The following RAI1 variants were observed in gnomAD, a reference collection of about 807,000 sequenced individuals.
RAI1 encodes the protein retinoic acid-induced protein 1.
RAI1 carries 9 observed loss-of-function variants against 123.8 expected under a neutral mutation model. The observed-to-expected ratio is 0.07, with a 90% confidence interval of 0.04 to 0.13. The LOEUF (loss-of-function observed/expected upper bound fraction) is 0.13. Among genes scored for constraint, RAI1 ranks in the 10% least tolerant of loss-of-function variants. RAI1 has a pLI of 1.00. For synonymous variants in RAI1, 1,231 were observed against 1,127.3 expected, an observed-to-expected ratio of 1.09 and a Z score of -1.84; for missense variants, 2,256 against 2,545.8, an observed-to-expected ratio of 0.89 and a Z score of 2.45.
At position 17,783,697 on chromosome 17, in the gene RAI1, C is replaced by T. The variant is rs558161654; in HGVS notation, c.-16-9236C>T. 9.2e-5 allele frequency among the ~76,000 whole-genome samples: 14 copies of T among 152,000 alleles called. No individual in the cohort carries two copies. The South Asian group carries it at 2.9e-3, about 32-fold the overall frequency. ...GCAGTCCAGCGCCTCGCGTGGGGCT[C>T]CTCGCCCCCGCCCCGGATCTGGTCC... On this transcript the variant is annotated intron_variant, in intron 2 of 5. Transcript: ENST00000353383.
intron 2 of RAI1, among the ~76,000 whole-genome samples, chr17:17,792,185 C>G (rs1235066912): frequency 6.6e-6 from 1 of 152,200 alleles, no homozygotes; most frequent in Non-Finnish European, 1.5e-5. Context: ...TGCCGTCTTG[C>G]GTTCCTGGGA....
At chr17:17,784,821 C>T (rs893497674) in intron 2 of RAI1, among the ~76,000 whole-genome samples, 1 of 152,148 alleles carries the variant, frequency 6.6e-6, no homozygotes, top group Non-Finnish European at 1.5e-5. Flanking sequence ...CTGCAGCAGC[C>T]GGGCCACTTG....
chr17:17,692,145 C>A (rs542778008), intron 1 of RAI1, among the ~76,000 whole-genome samples: 3 of 152,298 alleles, frequency 2.0e-5, no homozygotes, highest in African/African-American at 7.2e-5. Flanking sequence ...TCCCCTGGGG[C>A]CCCTGCCCTG....
intron 1 of RAI1, 84 bp downstream of exon 1, chr17:17,681,877 CG>C (rs1031002938): frequency 1.7e-4 from 37 of 218,846 alleles, no homozygotes; most frequent in Non-Finnish European, 5.4e-5. Context: ...GATCCTAGGC[CG>C]GGTGATGAGC....
intron 2 of RAI1, among the ~76,000 whole-genome samples, chr17:17,724,898 TCC>T (rs1916028119): frequency 6.6e-6 from 1 of 151,434 alleles, no homozygotes; most frequent in Non-Finnish European, 1.5e-5. Flanking sequence ...CCCTCCCCAC[TCC>T]CCGCACGAGA....
chr17:17,711,830 G>A (rs904947214), intron 1 of RAI1, among the ~76,000 whole-genome samples: 2 of 152,234 alleles, frequency 1.3e-5, no homozygotes, highest in African/African-American at 4.8e-5. Context: ...CTCCTCCTGC[G>A]CACCACATCT....
intron 2 of RAI1, among the ~76,000 whole-genome samples, chr17:17,741,666 C>T (rs1393618726): frequency 6.6e-6 from 1 of 152,230 alleles, no homozygotes; most frequent in Non-Finnish European, 1.5e-5. Context: ...CCTCCTGACA[C>T]CCTCAGCTTA....
At chr17:17,709,918 G>A (rs570486407) in intron 1 of RAI1, among the ~76,000 whole-genome samples, 2 of 152,300 alleles carry the variant, frequency 1.3e-5, no homozygotes, top group South Asian at 2.1e-4. Flanking sequence ...GCAGACAGGC[G>A]TGCGCACATT....
chr17:17,703,895 T>A (rs1354714944), intron 1 of RAI1, among the ~76,000 whole-genome samples: 1 of 152,226 alleles, frequency 6.6e-6, no homozygotes, highest in African/African-American at 2.4e-5. Flanking sequence ...AGGGCCCAAG[T>A]CCTTGTCTTC....
chr17:17,773,906 T>C (rs551189727), intron 2 of RAI1, among the ~76,000 whole-genome samples: 1 of 152,278 alleles, frequency 6.6e-6, no homozygotes, highest in African/African-American at 2.4e-5. Context: ...CACGTAATTA[T>C]AATGTCTATA....
intron 4 of RAI1, among the ~76,000 whole-genome samples, chr17:17,806,537 G>A (rs1436511109): frequency 8.5e-5 from 13 of 152,232 alleles, no homozygotes; most frequent in Non-Finnish European, 1.9e-4. Context: ...AGTATTAGCT[G>A]CTGCTGCAGA....
At chr17:17,687,331 C>G (rs1247891313) in intron 1 of RAI1, among the ~76,000 whole-genome samples, 1 of 152,126 alleles carries the variant, frequency 6.6e-6, no homozygotes, top group African/African-American at 2.4e-5. Context: ...CCTCTCTGGC[C>G]TCGGTCTCAT....
intron 1 of RAI1, among the ~76,000 whole-genome samples, chr17:17,693,603 C>T (rs563168495): frequency 2.0e-5 from 3 of 152,374 alleles, no homozygotes; most frequent in South Asian, 2.1e-4. Flanking sequence ...GCGGCGCTTG[C>T]TGCAATGGCC....
chr17:17,745,821 C>T lies in RAI1; in HGVS notation c.-17+21662C>T, dbSNP rs2029891460. On this transcript the variant is annotated intron_variant, in intron 2 of 5. Coordinates refer to ENST00000353383, the MANE Select transcript of RAI1 (RefSeq NM_030665.4). ...CCGGGGGGCTTGTGTGGAGTCCAGG[C>T]CAGGCAGGGACGGTGGCCAGCGGGT... Among the ~76,000 whole-genome samples the T allele has an allele frequency of 2.0e-5, 3 of 152,334 alleles. No individual in the cohort carries two copies. In the South Asian group the frequency reaches 6.2e-4, roughly 32 times the overall value.
At chr17:17,683,041 C>T (rs1914497342) in intron 1 of RAI1, among the ~76,000 whole-genome samples, 1 of 152,198 alleles carries the variant, frequency 6.6e-6, no homozygotes, top group South Asian at 2.1e-4. Context: ...CACTCGGGAT[C>T]TGCACGGTTC....
intron 1 of RAI1, among the ~76,000 whole-genome samples, chr17:17,712,184 CTGCAACTCTG>C (rs1219641301): frequency 4.6e-5 from 7 of 152,094 alleles, no homozygotes; most frequent in African/African-American, 1.7e-4. Context: ...AGTCACTGAG[CTGCAACTCTG>C]TGCTAGGTGC....
At position 17,798,143 on chromosome 17, in the gene RAI1, C is replaced by G; in HGVS notation, c.5195C>G (p.Ala1732Gly). The G allele has an allele frequency of 1.9e-6, 3 of 1,613,626 alleles. No homozygotes were observed. The highest frequency in any genetic ancestry group is 2.5e-6 in the Non-Finnish European group (3 of 1,180,044). The change falls in exon 3 of 6, where the codon GCC (alanine) becomes GGC (glycine). Residue 1732 changes from alanine to glycine, a missense_variant. Around this residue, in one of 7 missense-constraint regions of RAI1, gnomAD observed 243 missense variants for 316.6 expected, o/e 0.77. Coordinates refer to ENST00000353383, the MANE Select transcript of RAI1 (RefSeq NM_030665.4). ...CGGCCAGAAGGCACCTGTGAGGAGG[C>G]CTCGCTGCCGCTTGAGAGAACACTC... ...KVRPEGTCEEASLPLERTLKG... is the reference protein window; with the variant it reads ...KVRPEGTCEEGSLPLERTLKG...
At position 17,795,400 on chromosome 17, in the gene RAI1, G is replaced by A; in HGVS notation, c.2452G>A (p.Val818Met). ...GDFKQEEVGG[V>M]KEEAGGLLQC... ...CTTCAAGCAGGAGGAGGTGGGTGGGGTGAAGGAGGAGGCAGGTGGGCTGCT... is the reference window on the plus strand; with the variant it reads ...CTTCAAGCAGGAGGAGGTGGGTGGGATGAAGGAGGAGGCAGGTGGGCTGCT... Residue 818 changes from valine to methionine, a missense_variant, in exon 3 of 6, where the codon GTG becomes ATG. Transcript: ENST00000353383. The surrounding 1 kb of genome is among the most constrained non-coding windows in gnomAD (Gnocchi z 5.9). The A allele has an allele frequency of 1.3e-6, 2 of 1,592,222 alleles. No individual in the cohort carries two copies. Among genetic ancestry groups the A allele is most frequent in the Non-Finnish European group, 1.7e-6 (2 of 1,167,074 alleles).
Position 17,809,773 on chromosome 17 carries a change from C to CTGAAGGCGAAGG in RAI1, c.5710-190_5710-179dup, listed in dbSNP as rs145617111. On this transcript the variant is annotated intron_variant, in intron 5 of 5. Coordinates refer to ENST00000353383, the MANE Select transcript of RAI1 (RefSeq NM_030665.4). The surrounding 1 kb of genome is among the most constrained non-coding windows in gnomAD (Gnocchi z 4.9). ...GGGGGCGCGGGACGGTGGCACGGAG[C>CTGAAGGCGAAGG]TGAAGGCGAAGGTGAAGGTGAAGCT... Among the ~76,000 whole-genome samples, 1 of 152,102 alleles carries CTGAAGGCGAAGG rather than the reference C, an allele frequency of 6.6e-6. No individual in the cohort carries two copies. Among genetic ancestry groups the CTGAAGGCGAAGG allele is most frequent in the African/African-American group, 2.4e-5 (1 of 41,428 alleles).
Sources: gnomAD v4.1 joint callset for allele counts (sites outside exome capture counted in the v4.1 genomes callset) on GRCh38, gnomAD v4.1.1 for gene constraint, gnomAD v4.1.1 regional missense constraint, Gnocchi (gnomAD v3.1) non-coding constraint, MANE v1.5 for transcripts, NCBI Gene and HGNC (gene_info 2026-07-23, HGNC 2026-07-21) for gene names.